WDR11: variants seen among roughly 807,000 people sequenced by gnomAD.
WDR11 encodes WD repeat domain 11.
In WDR11, 83 loss-of-function variants were observed where a neutral mutation model predicts 151.2. The observed-to-expected ratio is 0.55, with a 90% CI of 0.46 to 0.66. WDR11 has a LOEUF of 0.66. Among genes scored for constraint, WDR11 ranks in the 30% least tolerant of loss-of-function variants. The probability of loss-of-function intolerance (pLI) is 0.00; values close to 1 mark genes in which losing one functional copy is unlikely to be tolerated. For missense variants in WDR11, 1,301 were observed against 1,480.9 expected (o/e 0.88, Z 1.99); for synonymous variants, 484 against 533.1 (o/e 0.91, Z 1.27).
chr10:120,906,713 A>C, intron 27 of WDR11, 63 bp from the exon 28 acceptor site: 1 of 1,613,698 alleles, frequency 6.2e-7, no homozygotes, highest in South Asian at 1.1e-5. Context: ...ATACCCTTCG[A>C]TGCTGCTGCC....
chr10:120,884,969 A>C (rs1312885151), intron 14 of WDR11: 1 of 152,276 alleles, frequency 6.6e-6, no homozygotes, highest in Non-Finnish European at 1.5e-5. Context: ...GGGTATGGGA[A>C]TCCTTGTGCA....
At position 120,878,431 on chromosome 10, in the gene WDR11, T is replaced by G. The variant is rs1473859639; in HGVS notation, c.1635T>G (p.Asn545Lys). The change falls in exon 12 of 29, where the codon AAT becomes AAG. Residue 545 changes from asparagine (N) to lysine (K), a missense_variant. Transcript: ENST00000263461. ...CAAACAATATGGGATTAGTGAGAAA[T>G]GAACTTCAACTGGTTGATCTTCCAA... ...STPNNMGLVR[N>K]ELQLVDLPTG... 6.2e-7 allele frequency: 1 copy of G among 1,613,188 alleles called. No individual in the cohort carries two copies. The highest frequency in any genetic ancestry group is 1.3e-5 in the African/African-American group (1 of 74,898).
chr10:120,882,449 ATAT>A (rs1276214270), intron 13 of WDR11, among the ~76,000 whole-genome samples: 1 of 151,030 alleles, frequency 6.6e-6, no homozygotes, highest in East Asian at 1.9e-4. Flanking sequence ...TGTAGAATTG[ATAT>A]TATTCTTACT....
intron 28 of WDR11, 117 bp downstream of exon 28, chr10:120,906,972 GTTCTGATT>G (rs1211062903): frequency 6.8e-7 from 1 of 1,470,932 alleles, no homozygotes; most frequent in Non-Finnish European, 9.4e-7. Flanking sequence ...AAAGATCCAT[GTTCTGATT>G]TTCTGATTCA....
At chr10:120,903,400 C>T (rs1847905203) in intron 23 of WDR11, among the ~76,000 whole-genome samples, 168 bp downstream of exon 23, 1 of 151,912 alleles carries the variant, frequency 6.6e-6, no homozygotes, top group African/African-American at 2.4e-5. Context: ...GTCCCAGCTA[C>T]TCAGGAGGCT....
chr10:120,864,987 C>A, intron 5 of WDR11, 60 bp from the exon 6 acceptor site: 3 of 1,567,702 alleles, frequency 1.9e-6, no homozygotes, highest in African/African-American at 2.7e-5. Context: ...AAAATTAAAT[C>A]TTTTATTAGG....
Position 120,904,110 on chromosome 10 carries a change from A to G in WDR11, c.2995A>G (p.Lys999Glu). 1 of 1,613,528 alleles carries G rather than the reference A, an allele frequency of 6.2e-7. No homozygotes were observed. The highest frequency in any genetic ancestry group is 1.3e-5 in the African/African-American group (1 of 75,046). The change falls in exon 24 of 29, where the codon AAA becomes GAA. Residue 999 changes from lysine to glutamate, a missense_variant. Coordinates refer to ENST00000263461, the MANE Select transcript of WDR11 (RefSeq NM_018117.12). The part of the protein sequence containing the change: ...VKRSTYDHTR[K>E]CTDQLLLLGQ... ...ACGGTCAACTTATGATCATACAAGG[A>G]AATGTACAGACCAGCTACTGCTCTT...
Position 120,908,675 on chromosome 10 carries a change from G to A in WDR11, c.3637G>A (p.Glu1213Lys), listed in dbSNP as rs1339519625. 1 of 1,614,204 alleles carries A rather than the reference G, an allele frequency of 6.2e-7. No individual in the cohort carries two copies. Among genetic ancestry groups the A allele is most frequent in the East Asian group, 2.2e-5 (1 of 44,884 alleles). ...AGAAGKDLLNELESPKEEPIE... is the reference protein window; with the variant it reads ...AGAAGKDLLNKLESPKEEPIE... ...AGCAGCTGGCAAAGACTTATTGAAT[G>A]AGCTTGAGTCCCCCAAGGAAGAACC... Residue 1213 changes from glutamate (E) to lysine (K), a missense_variant, in exon 29 of 29, where the codon GAG becomes AAG. By Grantham distance (56) the Glu-to-Lys change is moderately conservative. Transcript: ENST00000263461.
At chr10:120,873,750 A>C (rs1846631170) in intron 10 of WDR11, 89 bp from the exon 11 acceptor site, 1 of 846,494 alleles carries the variant, frequency 1.2e-6, no homozygotes, top group African/African-American at 1.7e-5. Context: ...TAAATGTGTT[A>C]AGTGATTAAA....
At chr10:120,874,187 T>TGTTG (rs200028210) in intron 11 of WDR11, among the ~76,000 whole-genome samples, 11 of 59,390 alleles carry the variant, frequency 1.9e-4, no homozygotes, top group South Asian at 5.6e-4. Context: ...TTTTTTTTTT[T>TGTTG]TTTTTGTTGT....
At position 120,904,689 on chromosome 10, in the gene WDR11, A is replaced by G. The variant is rs764231603; in HGVS notation, c.3071A>G (p.Asn1024Ser). The G allele has an allele frequency of 1.2e-6, 2 of 1,614,130 alleles. No homozygotes were observed. Among genetic ancestry groups the G allele is most frequent in the East Asian group, 2.2e-5 (1 of 44,902 alleles). Residue 1024 changes from asparagine to serine, a missense_variant, in exon 25 of 29, where the codon AAC becomes AGC. Physicochemically the swap from Asn to Ser is conservative, Grantham distance 46. This residue lies in a region of WDR11 where 589 missense variants were observed against 670.6 expected (regional missense o/e 0.88). Transcript: ENST00000263461. ...VQLLLETSADNQHYYCDSLKA... is the reference protein window; with the variant it reads ...VQLLLETSADSQHYYCDSLKA... ...TTGCTGTTGGAAACAAGTGCAGATA[A>G]CCAGCATTATTACTGTGATTCACTG...
In WDR11 at chr10:120,876,281, G is replaced by C. The variant is rs146157752; in HGVS notation, c.1557-2072G>C. On this transcript the variant is annotated intron_variant, in intron 11 of 28. Coordinates refer to ENST00000263461, the MANE Select transcript of WDR11 (RefSeq NM_018117.12). ...AGGCGTGAGCCACCGCGCCAGGCCA[G>C]GTTAACCTTTTAAGTATCACAGCTT... Among the ~76,000 whole-genome samples the C allele has an allele frequency of 8.5e-4, 130 of 152,150 alleles. 2 individuals carry two copies. The East Asian group carries it at 0.024, about 28-fold the overall frequency.
intron 19 of WDR11, among the ~76,000 whole-genome samples, chr10:120,891,539 A>T (rs1433239381): frequency 6.6e-6 from 1 of 152,114 alleles, no homozygotes; most frequent in Non-Finnish European, 1.5e-5. Context: ...CTGATGCAAT[A>T]CAGTGTTCAT....
chr10:120,897,543 T>A (rs1190527930), intron 19 of WDR11, among the ~76,000 whole-genome samples: 6 of 152,242 alleles, frequency 3.9e-5, no homozygotes, highest in Non-Finnish European at 7.3e-5. Flanking sequence ...TCTGATGCAA[T>A]GCAGTGAAAA....
At chr10:120,862,069 A>C (rs1165272861) in intron 4 of WDR11, among the ~76,000 whole-genome samples, 2 of 152,080 alleles carry the variant, frequency 1.3e-5, no homozygotes, top group Non-Finnish European at 2.9e-5. Flanking sequence ...AGAGCCTCTT[A>C]AGTATGGTTT....
chr10:120,874,189 TTTTGTTGTTGTTG>T (rs1757311560), intron 11 of WDR11, among the ~76,000 whole-genome samples: 2 of 101,142 alleles, frequency 2.0e-5, no homozygotes, highest in Non-Finnish European at 4.2e-5. Flanking sequence ...TTTTTTTTTT[TTTTGTTGTTGTTG>T]TTGTTGTTTG....
At chr10:120,894,694 G>A (rs1847543153) in intron 19 of WDR11, among the ~76,000 whole-genome samples, 1 of 152,078 alleles carries the variant, frequency 6.6e-6, no homozygotes, top group South Asian at 2.1e-4. Context: ...TGTCATGTAG[G>A]TAGCTAAAAA....
chr10:120,877,699 T>C (rs945343717), intron 11 of WDR11, among the ~76,000 whole-genome samples: 8 of 152,196 alleles, frequency 5.3e-5, no homozygotes, highest in African/African-American at 1.9e-4. Flanking sequence ...ACTCAAAACA[T>C]TTTAGATTTT....
At chr10:120,857,660 C>T (rs1252978807) in intron 2 of WDR11, among the ~76,000 whole-genome samples, 1 of 152,180 alleles carries the variant, frequency 6.6e-6, no homozygotes, top group Non-Finnish European at 1.5e-5. Flanking sequence ...ATGAATACTA[C>T]TGCAATTGGT....
Sources: allele counts gnomAD v4.1 joint callset (sites outside exome capture counted in the v4.1 genomes callset), GRCh38; gene constraint gnomAD v4.1.1; regional missense constraint gnomAD v4.1.1; transcripts MANE v1.5; gene names NCBI Gene and HGNC (gene_info 2026-07-23, HGNC 2026-07-21).